The following CTDSPL variants were observed in gnomAD, a reference collection of about 807,000 sequenced individuals.
CTDSPL encodes the protein CTD small phosphatase like, also known as CTD small phosphatase-like protein.
A neutral mutation model predicts 30.5 loss-of-function variants in CTDSPL; 8 were observed. The ratio of observed to expected loss-of-function variants is 0.26; its 90% confidence interval spans 0.15 to 0.47. The LOEUF is 0.47. Among genes scored for constraint, CTDSPL ranks in the 20% least tolerant of loss-of-function variants. The pLI, the probability that CTDSPL is intolerant of heterozygous loss-of-function variation, is 0.99. For missense variants in CTDSPL, 248 were observed against 366.1 expected (o/e 0.68, Z 2.63); for synonymous variants, 110 against 137.9 (o/e 0.80, Z 1.42).
rs1467152195 is a variant in CTDSPL, at chr3:37,984,282, CCCGGGTAGTGGA to C, written c.*3416_*3427del. On this transcript the variant is annotated 3_prime_UTR_variant, in exon 8 of 8. Coordinates refer to ENST00000273179, the MANE Select transcript of CTDSPL (RefSeq NM_001008392.2). ...TGCAGACTGACACACCCTCCCCCACCCCGGGTAGTGGAGATGCTGGTGTCTGGGTAGTCATGG... is the reference window on the plus strand; with the variant it reads ...TGCAGACTGACACACCCTCCCCCACCGATGCTGGTGTCTGGGTAGTCATGG... 6.6e-6 allele frequency: 3 copies of C among 456,856 alleles called. No homozygotes were observed. The highest frequency in any genetic ancestry group is 6.0e-5 in the African/African-American group (3 of 50,072). The allele number at this position is 456,856 out of a possible 1,614,324, so 28.3% of individuals were successfully genotyped here.
At chr3:37,961,832 T>C (rs572866280) in intron 3 of CTDSPL, among the ~76,000 whole-genome samples, 1 of 152,276 alleles carries the variant, frequency 6.6e-6, no homozygotes, top group African/African-American at 2.4e-5. Flanking sequence ...ACTACATCTG[T>C]AAGATTTATG....
At position 37,955,214 on chromosome 3, in the gene CTDSPL, C is replaced by T. The variant is rs1441171793; in HGVS notation, c.235-1897C>T. 4 of 152,362 alleles carry T rather than the reference C, an allele frequency of 2.6e-5. No individual in the cohort carries two copies. In the East Asian group the frequency reaches 7.7e-4, roughly 29 times the overall value. The allele number at this position is 152,362 out of a possible 1,614,324, so 9.4% of individuals were successfully genotyped here. On this transcript the variant is annotated intron_variant, in intron 2 of 7. Transcript: ENST00000273179. ...CCTGCAACAAATAGGACATCCCTCA[C>T]GACAGAGTTATCCAGCCCAGAATGT...
intron 3 of CTDSPL, among the ~76,000 whole-genome samples, chr3:37,960,533 TATACACACACACACACACACACAC>T (rs1699232225): frequency 3.0e-5 from 1 of 33,570 alleles, no homozygotes; most frequent in African/African-American, 1.5e-4. Flanking sequence ...TATATATATA[TATACACACACACACACACACACAC>T]ACACACACAC....
In CTDSPL at chr3:37,981,956, A is replaced by G. The variant is rs546721571; in HGVS notation, c.*1089A>G. 1.8e-5 allele frequency: 8 copies of G among 452,284 alleles called. No individual in the cohort carries two copies. The highest frequency in any genetic ancestry group is 3.1e-5 in the Non-Finnish European group (7 of 223,830). The allele number at this position is 452,284 out of a possible 1,614,324, so 28.0% of individuals were successfully genotyped here. The stretch of plus-strand genomic sequence containing the variant: ...CTCAGAATATGCTCACTGCTAAGCT[A>G]CAAACTCGGACAGGGTCAGAAACAG... On this transcript the variant is annotated 3_prime_UTR_variant, in exon 8 of 8. Coordinates refer to ENST00000273179, the MANE Select transcript of CTDSPL (RefSeq NM_001008392.2).
intron 2 of CTDSPL, among the ~76,000 whole-genome samples, chr3:37,948,469 A>G (rs564563441): frequency 1.3e-5 from 2 of 152,368 alleles, no homozygotes; most frequent in South Asian, 4.1e-4. Flanking sequence ...CACAAAAGTC[A>G]TAAAACTTTA....
At chr3:37,912,122 A>G (rs1189570078) in intron 1 of CTDSPL, among the ~76,000 whole-genome samples, 3 of 152,202 alleles carry the variant, frequency 2.0e-5, no homozygotes, top group African/African-American at 4.8e-5. Context: ...CTGTGACTCT[A>G]AAAGCATCCT....
At chr3:37,960,525 TATATATATATACACACACAC>T (rs1699230219) in intron 3 of CTDSPL, among the ~76,000 whole-genome samples, 3 of 65,092 alleles carry the variant, frequency 4.6e-5, no homozygotes, top group Middle Eastern at 8.5e-3. Flanking sequence ...TATATATATA[TATATATATATACACACACAC>T]ACACACACAC....
rs78675832 is a variant in CTDSPL at position 37,880,946 on chromosome 3, C to G, written c.79+18668C>G. ...AGAGTCAGATTTGGCCATTTCACAG[C>G]AGGAAAAATGCTCAGCTACACCATG... is the stretch of plus-strand genomic sequence containing the variant. On this transcript the variant is annotated intron_variant, in intron 1 of 7. Transcript: ENST00000273179. Among the ~76,000 whole-genome samples the G allele has an allele frequency of 3.9e-3, 583 of 149,820 alleles. 3 individuals are homozygous for G. Among genetic ancestry groups the G allele is most frequent in the South Asian group, 0.029 (137 of 4,774 alleles).
At chr3:37,863,454 G>A (rs1697969635) in intron 1 of CTDSPL, among the ~76,000 whole-genome samples, 1 of 152,176 alleles carries the variant, frequency 6.6e-6, no homozygotes, top group Non-Finnish European at 1.5e-5. Context: ...TTGGGACTTG[G>A]ACAGACTGTT....
At position 37,862,171 on chromosome 3, in the gene CTDSPL, C is replaced by T; in HGVS notation, c.-29C>T. Reference sequence around the variant, plus strand: ...CGCGCTTGGCTTGCGGGGGGCCGGGCCTGCGGGCGGCCGCCGCGCCGCGCA... The same window carrying T: ...CGCGCTTGGCTTGCGGGGGGCCGGGTCTGCGGGCGGCCGCCGCGCCGCGCA... On this transcript the variant is annotated 5_prime_UTR_variant, in exon 1 of 8. Transcript: ENST00000273179. The surrounding 1 kb of genome is among the most constrained non-coding windows in gnomAD (Gnocchi z 4.3). 1.8e-6 allele frequency: 2 copies of T among 1,097,942 alleles called. No homozygotes were observed. The highest frequency in any genetic ancestry group is 2.2e-6 in the Non-Finnish European group (2 of 900,658). The allele number at this position is 1,097,942 out of a possible 1,614,324, so 68.0% of individuals were successfully genotyped here. A position where few individuals can be genotyped will look rare whatever the true frequency, so the allele number is the denominator to read the frequency against.
chr3:37,948,262 T>C (rs1699065641), intron 2 of CTDSPL, among the ~76,000 whole-genome samples: 1 of 151,618 alleles, frequency 6.6e-6, no homozygotes, highest in Admixed American at 6.6e-5. Context: ...CCAGCCTGAG[T>C]GACAAGACTG....
chr3:37,932,538 A>G (rs1453201939), intron 1 of CTDSPL, among the ~76,000 whole-genome samples: 1 of 152,250 alleles, frequency 6.6e-6, no homozygotes, highest in Non-Finnish European at 1.5e-5. Flanking sequence ...TCTCAAAAGA[A>G]GAAATAGAAA....
At chr3:37,927,636 A>ATATG (rs1553684181) in intron 1 of CTDSPL, among the ~76,000 whole-genome samples, 1 of 115,786 alleles carries the variant, frequency 8.6e-6, no homozygotes, top group Admixed American at 8.9e-5. Context: ...AGAAAAATAT[A>ATATG]TGTGTGTGTG....
At chr3:37,884,157 C>G (rs1393186632) in intron 1 of CTDSPL, among the ~76,000 whole-genome samples, 2 of 151,930 alleles carry the variant, frequency 1.3e-5, no homozygotes, top group African/African-American at 4.8e-5. Context: ...CACAGGATTA[C>G]CTATAATAGC....
At chr3:37,869,899 C>T (rs756362189) in intron 1 of CTDSPL, among the ~76,000 whole-genome samples, 28 of 152,020 alleles carry the variant, frequency 1.8e-4, no homozygotes, top group Non-Finnish European at 2.9e-4. Flanking sequence ...TCTGTTAATG[C>T]GATAGATTAA....
At position 37,933,056 on chromosome 3, in the gene CTDSPL, G is replaced by A. The variant is rs562078012; in HGVS notation, c.80-14001G>A. Among the ~76,000 whole-genome samples the A allele has an allele frequency of 5.9e-5, 9 of 151,952 alleles. No homozygotes were observed. In the East Asian group the frequency reaches 1.7e-3, roughly 29 times the overall value. On this transcript the variant is annotated intron_variant, in intron 1 of 7. Coordinates refer to ENST00000273179, the MANE Select transcript of CTDSPL (RefSeq NM_001008392.2). ...TAATCCCAGCTACTCAGGAGACTGA[G>A]GCAGGAGAATCGCTTGAACCTGGGA...
chr3:37,936,009 G>A (rs1283471981), intron 1 of CTDSPL, among the ~76,000 whole-genome samples: 1 of 152,180 alleles, frequency 6.6e-6, no homozygotes, highest in African/African-American at 2.4e-5. Context: ...AACGATTTAT[G>A]TCAGGGGCTT....
intron 1 of CTDSPL, among the ~76,000 whole-genome samples, chr3:37,945,527 GATT>G (rs1365284400): frequency 6.6e-6 from 1 of 152,226 alleles, no homozygotes; most frequent in Non-Finnish European, 1.5e-5. Flanking sequence ...GGTAAACAGT[GATT>G]ATTATCTCTT....
chr3:37,882,908 A>C (rs1425380608), intron 1 of CTDSPL, among the ~76,000 whole-genome samples: 1 of 152,094 alleles, frequency 6.6e-6, no homozygotes, highest in African/African-American at 2.4e-5. Flanking sequence ...CTCTAAGGTG[A>C]CCTTCCAAAC....
Sources: allele counts gnomAD v4.1 joint callset (sites outside exome capture counted in the v4.1 genomes callset), GRCh38; gene constraint gnomAD v4.1.1; non-coding constraint Gnocchi (gnomAD v3.1); transcripts MANE v1.5; gene names NCBI Gene and HGNC (gene_info 2026-07-23, HGNC 2026-07-21).